PCDHGB5: variants seen among roughly 807,000 people sequenced by gnomAD.
The protein encoded by PCDHGB5 is protocadherin gamma subfamily B, 5, also known as protocadherin gamma-B5.
PCDHGB5 carries 48 observed loss-of-function variants against 62.9 expected under a neutral mutation model. That is an observed-to-expected ratio of 0.76 (90% confidence interval 0.61 to 0.97). The LOEUF (loss-of-function observed/expected upper bound fraction) is 0.97, where lower values mean the gene tolerates loss of function less well. PCDHGB5 is among the 50% of genes least tolerant of loss of function. The pLI is 0.00. For missense variants in PCDHGB5, 1,118 were observed against 1,198.6 expected (o/e 0.93, Z 0.99); for synonymous variants, 474 against 511.2 (o/e 0.93, Z 0.98).
rs2093809569 is a variant in PCDHGB5 at position 141,399,438 on chromosome 5, T to C, written c.1311T>C (p.His437=). ...CCTCCAGCATAAGCGTCATCCTACA[T>C]ATCAGAGACGTCAACGATAACGCTC... ...PLSSSISVIL[H]IRDVNDNAPV... is the part of the protein sequence containing the mutation. The change falls in exon 1 of 4, where the codon CAT becomes CAC. Residue 437 remains histidine, a synonymous_variant. Coordinates refer to ENST00000617380, the MANE Select transcript of PCDHGB5 (RefSeq NM_018925.3). 2 of 1,613,996 alleles carry C rather than the reference T, an allele frequency of 1.2e-6. No homozygotes were observed. Among genetic ancestry groups the C allele is most frequent in the Admixed American group, 1.7e-5 (1 of 60,034 alleles).
At chr5:141,430,383 GA>G (rs139772145) in intron 1 of PCDHGB5, among the ~76,000 whole-genome samples, 3,229 of 138,382 alleles carry the variant, frequency 0.023, 41 homozygotes, top group African/African-American at 0.033. Flanking sequence ...AGCTCATTGG[GA>G]AAAAAAAAAA....
intron 2 of PCDHGB5, among the ~76,000 whole-genome samples, chr5:141,500,900 C>T (rs1309164700): frequency 4.0e-5 from 6 of 150,642 alleles, no homozygotes; most frequent in South Asian, 2.1e-4. Flanking sequence ...GAGACAGTCT[C>T]GCTCTGTCTC....
At chr5:141,423,773 T>A in intron 1 of PCDHGB5, 6 of 901,238 alleles carry the variant, frequency 6.7e-6, no homozygotes, top group Non-Finnish European at 7.3e-6. Flanking sequence ...GGGCGGCATA[T>A]ATTTAGTTCA....
rs61612330 is a variant in PCDHGB5, at chr5:141,454,796, A to ATTTTTTTTTTTTTTT, written c.2398-39996_2398-39982dup. 1.0e-3 allele frequency among the ~76,000 whole-genome samples: 80 copies of ATTTTTTTTTTTTTTT among 77,456 alleles called. 10 individuals are homozygous for ATTTTTTTTTTTTTTT. The highest frequency in any genetic ancestry group is 2.0e-3 in the East Asian group (5 of 2,512). The allele number at this position is 77,456 out of a possible 152,430, so 50.8% of individuals were successfully genotyped here. A position where few individuals can be genotyped will look rare whatever the true frequency, so the allele number is the denominator to read the frequency against. On this transcript the variant is annotated intron_variant, in intron 1 of 3. Transcript: ENST00000617380. ...AAGGAAATAATCCTCCATGGTTCTA[A>ATTTTTTTTTTTTTTT]TTTTTTTTTTTTTTTTTTTTTTTTT...
chr5:141,450,985 C>T (rs533993975), intron 1 of PCDHGB5, among the ~76,000 whole-genome samples: 22 of 151,876 alleles, frequency 1.4e-4, no homozygotes, highest in African/African-American at 3.9e-4. Flanking sequence ...CCACCACACC[C>T]GGCTAATTTT....
rs1212478322 is a variant in PCDHGB5 at position 141,485,871 on chromosome 5, T to G, written c.2398-8936T>G. ...ACCGCAGAGCTCCGGGTATCCGTGC[T>G]GGACGTAAACGACAACGCCCCAGCC... On this transcript the variant is annotated intron_variant, in intron 1 of 3. Coordinates refer to ENST00000617380, the MANE Select transcript of PCDHGB5 (RefSeq NM_018925.3). The surrounding 1 kb of genome is among the most constrained non-coding windows in gnomAD (Gnocchi z 5.7). 6.2e-7 allele frequency: 1 copy of G among 1,614,196 alleles called. No homozygotes were observed. The highest frequency in any genetic ancestry group is 8.5e-7 in the Non-Finnish European group (1 of 1,180,032).
chr5:141,466,297 A>G (rs1206472131), intron 1 of PCDHGB5, among the ~76,000 whole-genome samples: 3 of 152,146 alleles, frequency 2.0e-5, no homozygotes, highest in East Asian at 1.9e-4. Flanking sequence ...CAGGCTCCCA[A>G]GTAGCTGGGA....
At chr5:141,430,781 C>G in intron 1 of PCDHGB5, 8 of 1,510,922 alleles carry the variant, frequency 5.3e-6, no homozygotes, top group Non-Finnish European at 7.1e-6. Context: ...GCGACTGCAC[C>G]GGGACTACAA....
intron 1 of PCDHGB5, among the ~76,000 whole-genome samples, chr5:141,467,789 G>A (rs1264350552): frequency 6.6e-6 from 1 of 152,066 alleles, no homozygotes; most frequent in Non-Finnish European, 1.5e-5. Context: ...CTCTCAAGTA[G>A]CTGGGACTAC....
In PCDHGB5 at chr5:141,476,348, G is replaced by T. The variant is rs764669470; in HGVS notation, c.2398-18459G>T. On this transcript the variant is annotated intron_variant, in intron 1 of 3. Transcript: ENST00000617380. This position sits in a 1 kb window ranked among gnomAD's most constrained non-coding sequence, Gnocchi z 7.6. ...GTCTGGAGCTAGCCGAAGATTCTTTGAGGTGAACCGGGAGACCGGAGAGAT... is the reference window on the plus strand; with the variant it reads ...GTCTGGAGCTAGCCGAAGATTCTTTTAGGTGAACCGGGAGACCGGAGAGAT... 1 of 1,614,190 alleles carries T rather than the reference G, an allele frequency of 6.2e-7. No individual in the cohort carries two copies. The highest frequency in any genetic ancestry group is 8.5e-7 in the Non-Finnish European group (1 of 1,180,032).
Position 141,487,494 on chromosome 5 carries a change from C to A in PCDHGB5, c.2398-7313C>A, listed in dbSNP as rs116370895. On this transcript the variant is annotated intron_variant, in intron 1 of 3. Transcript: ENST00000617380. The surrounding 1 kb of genome is among the most constrained non-coding windows in gnomAD (Gnocchi z 5.0). The stretch of plus-strand genomic sequence containing the variant: ...GGAGGCCACTCTCATGGCTGTACAC[C>A]CTTGGCTTCTGCACCCACTCGGAGT... 1,421 of 1,614,120 alleles carry A rather than the reference C, an allele frequency of 8.8e-4. 3 individuals are homozygous for A. Among genetic ancestry groups the A allele is most frequent in the Non-Finnish European group, 1.2e-3 (1,358 of 1,180,034 alleles).
intron 1 of PCDHGB5, chr5:141,426,664 A>G (rs886265350): frequency 2.3e-6 from 1 of 429,248 alleles, no homozygotes; most frequent in Admixed American, 2.5e-5. Flanking sequence ...GATATAAATG[A>G]TAACCCACCT....
intron 1 of PCDHGB5, chr5:141,404,248 G>T (rs1404333144): frequency 6.2e-7 from 1 of 1,613,694 alleles, no homozygotes; most frequent in South Asian, 1.1e-5. Flanking sequence ...CTCCGCCCCT[G>T]TCCACAGAAA....
intron 1 of PCDHGB5, among the ~76,000 whole-genome samples, chr5:141,458,869 A>G (rs2154566384): frequency 6.6e-6 from 1 of 152,264 alleles, no homozygotes; most frequent in East Asian, 1.9e-4. Context: ...AGTAGCTGGG[A>G]CTACAGGCAT....
chr5:141,422,973 T>G (rs1157516415), intron 1 of PCDHGB5: 1 of 1,614,102 alleles, frequency 6.2e-7, no homozygotes, highest in Non-Finnish European at 8.5e-7. Flanking sequence ...CGCCCCGCTC[T>G]GCGGAACCTG....
intron 2 of PCDHGB5, among the ~76,000 whole-genome samples, chr5:141,499,149 A>G (rs1215155217): frequency 6.6e-6 from 1 of 152,084 alleles, no homozygotes; most frequent in African/African-American, 2.4e-5. Context: ...TCTGATCCCA[A>G]TAGCTGTTGT....
In PCDHGB5 at chr5:141,511,346, C is replaced by T; in HGVS notation, c.*173C>T. 7.1e-7 allele frequency: 1 copy of T among 1,400,168 alleles called. No homozygotes were observed. The allele number at this position is 1,400,168 out of a possible 1,614,324, so 86.7% of individuals were successfully genotyped here. A position where few individuals can be genotyped will look rare whatever the true frequency, so the allele number is the denominator to read the frequency against. On this transcript the variant is annotated 3_prime_UTR_variant, in exon 4 of 4. Transcript: ENST00000617380. ...AGTGCCCAGTCAGCACCTACCCCTT[C>T]CCCCCCAGGGGGTTGAATATGCAAA...
In PCDHGB5 at chr5:141,477,211, C is replaced by T. The variant is rs1282763530; in HGVS notation, c.2398-17596C>T. On this transcript the variant is annotated intron_variant, in intron 1 of 3. Coordinates refer to ENST00000617380, the MANE Select transcript of PCDHGB5 (RefSeq NM_018925.3). The surrounding 1 kb of genome is among the most constrained non-coding windows in gnomAD (Gnocchi z 4.9). ...TGTACAGCCCAGTACCCGAGGATGC[C>T]CCTCTGGGGACTGTCATCGCTTTGC... 2 of 1,614,154 alleles carry T rather than the reference C, an allele frequency of 1.2e-6. No individual in the cohort carries two copies. Among genetic ancestry groups the T allele is most frequent in the East Asian group, 4.5e-5 (2 of 44,870 alleles).
In PCDHGB5 at chr5:141,417,067, A is replaced by G. The variant is rs1008801110; in HGVS notation, c.2397+16543A>G. The stretch of plus-strand genomic sequence containing the variant: ...AAAAACTGCTCTTGACATTGTAGCT[A>G]TTGTGAGAAAATATTTTGATTATAA... On this transcript the variant is annotated intron_variant, in intron 1 of 3. Coordinates refer to ENST00000617380, the MANE Select transcript of PCDHGB5 (RefSeq NM_018925.3). 2.0e-5 allele frequency: 3 copies of G among 152,102 alleles called. No homozygotes were observed. The South Asian group carries it at 6.2e-4, about 31-fold the overall frequency. 9.4% of individuals were successfully genotyped at this position (152,102 alleles called of 1,614,324 possible).
Sources: gnomAD v4.1 joint callset for allele counts (sites outside exome capture counted in the v4.1 genomes callset) on GRCh38, gnomAD v4.1.1 for gene constraint, Gnocchi (gnomAD v3.1) non-coding constraint, MANE v1.5 for transcripts, NCBI Gene and HGNC (gene_info 2026-07-23, HGNC 2026-07-21) for gene names.